Variants in AAK1 observed in about 807,000 individuals in gnomAD.
AAK1 encodes the protein AP2 associated kinase 1.
In AAK1, 37 loss-of-function variants were observed where a neutral mutation model predicts 116.0. The ratio of observed to expected loss-of-function variants is 0.32; its 90% confidence interval spans 0.25 to 0.42. AAK1 has a LOEUF of 0.42. Among genes scored for constraint, AAK1 ranks in the 10% least tolerant of loss-of-function variants. The pLI, the probability that AAK1 is intolerant of heterozygous loss-of-function variation, is 1.00. For missense variants in AAK1, 919 were observed against 1,170.6 expected (o/e 0.79, Z 3.14); for synonymous variants, 458 against 439.9 (o/e 1.04, Z -0.51).
intron 2 of AAK1, among the ~76,000 whole-genome samples, chr2:69,562,877 G>A (rs950794735): frequency 3.3e-5 from 5 of 152,114 alleles, no homozygotes; most frequent in Admixed American, 6.5e-5. Context: ...GCGACAGAGC[G>A]AGACTCCATC....
chr2:69,537,686 G>A (rs1403272980), intron 5 of AAK1, among the ~76,000 whole-genome samples: 4 of 152,232 alleles, frequency 2.6e-5, no homozygotes, highest in African/African-American at 7.2e-5. Context: ...GAGACTATGT[G>A]ATGCAACGAC....
intron 8 of AAK1, 122 bp from the exon 9 acceptor site, chr2:69,527,441 A>T: frequency 3.0e-6 from 2 of 674,148 alleles, no homozygotes; most frequent in Non-Finnish European, 5.2e-6. Flanking sequence ...CATAGAAGTC[A>T]GACAGTATAA....
intron 17 of AAK1, among the ~76,000 whole-genome samples, chr2:69,487,976 A>C (rs1675367866): frequency 6.6e-6 from 1 of 151,938 alleles, no homozygotes; most frequent in Admixed American, 6.6e-5. Context: ...TTTTTATTAG[A>C]AATGGGGTTT....
chr2:69,478,789 G>A, intron 20 of AAK1, 162 bp downstream of exon 20: 1 of 595,982 alleles, frequency 1.7e-6, no homozygotes, highest in Non-Finnish European at 3.0e-6. Context: ...CTCACTGAGA[G>A]GTATTATAAC....
chr2:69,621,273 C>T (rs1038949649), intron 2 of AAK1, among the ~76,000 whole-genome samples: 5 of 152,128 alleles, frequency 3.3e-5, no homozygotes, highest in South Asian at 2.1e-4. Flanking sequence ...GTCGGGAGTT[C>T]GAGACCAGCT....
At chr2:69,611,575 A>C (rs1296045385) in intron 2 of AAK1, among the ~76,000 whole-genome samples, 1 of 152,178 alleles carries the variant, frequency 6.6e-6, no homozygotes, top group Non-Finnish European at 1.5e-5. Flanking sequence ...TTATGAGCCA[A>C]TTCTCCCTAA....
intron 3 of AAK1, among the ~76,000 whole-genome samples, chr2:69,554,181 C>G (rs1344665377): frequency 6.6e-6 from 1 of 151,970 alleles, no homozygotes; most frequent in Non-Finnish European, 1.5e-5. Flanking sequence ...AGGAAATGTC[C>G]AGGAAATTCC....
At chr2:69,542,370 CCTTT>C (rs1364610910) in intron 5 of AAK1, among the ~76,000 whole-genome samples, 149 bp downstream of exon 5, 1 of 152,086 alleles carries the variant, frequency 6.6e-6, no homozygotes, top group Non-Finnish European at 1.5e-5. Flanking sequence ...TGTACTTTTT[CCTTT>C]GTTATTTTCT....
rs1297855376 is a variant in AAK1 at position 69,475,311 on chromosome 2, C to A, written c.*558G>T. 2.0e-6 allele frequency: 2 copies of A among 985,916 alleles called. No homozygotes were observed. The highest frequency in any genetic ancestry group is 2.4e-6 in the Non-Finnish European group (2 of 830,236). The allele number at this position is 985,916 out of a possible 1,614,324, so 61.1% of individuals were successfully genotyped here. On this transcript the variant is annotated 3_prime_UTR_variant, in exon 22 of 22. Transcript: ENST00000409085. ...AATTTCTCTTCTCAAATATATACTACCAGTCAGTAAGTTTTACCCTTTCTT... is the reference window on the plus strand; with the variant it reads ...AATTTCTCTTCTCAAATATATACTAACAGTCAGTAAGTTTTACCCTTTCTT...
intron 3 of AAK1, among the ~76,000 whole-genome samples, chr2:69,548,505 TTC>T (rs922211043): frequency 4.0e-5 from 6 of 151,788 alleles, no homozygotes; most frequent in South Asian, 4.2e-4. Flanking sequence ...TCTCCTTCCT[TTC>T]TCTCTTTCTT....
chr2:69,549,285 C>T (rs1324171687), intron 3 of AAK1, among the ~76,000 whole-genome samples: 1 of 152,176 alleles, frequency 6.6e-6, no homozygotes, highest in African/African-American at 2.4e-5. Flanking sequence ...AGGAGAATTG[C>T]TTGAACCCAG....
chr2:69,503,208 ATAT>A (rs1676044262), intron 16 of AAK1, among the ~76,000 whole-genome samples: 1 of 152,242 alleles, frequency 6.6e-6, no homozygotes, highest in Non-Finnish European at 1.5e-5. Flanking sequence ...TACATATCAA[ATAT>A]TATTAAATGA....
At chr2:69,506,036 T>A (rs923623219) in intron 15 of AAK1, among the ~76,000 whole-genome samples, 2 of 152,170 alleles carry the variant, frequency 1.3e-5, no homozygotes, top group African/African-American at 4.8e-5. Context: ...ATGAGTTTGA[T>A]GATCTGCTTT....
At chr2:69,587,249 T>TTATATATATATACACATGTG (rs1553418700) in intron 2 of AAK1, among the ~76,000 whole-genome samples, 38 of 151,038 alleles carry the variant, frequency 2.5e-4, no homozygotes, top group African/African-American at 9.2e-4. Context: ...CATGCTCAGC[T>TTATATATATATACACATGTG]TATATATATA....
intron 17 of AAK1, among the ~76,000 whole-genome samples, chr2:69,494,172 G>A (rs1675650130): frequency 6.6e-6 from 1 of 152,116 alleles, no homozygotes; most frequent in Non-Finnish European, 1.5e-5. Flanking sequence ...AAACCCAAGA[G>A]AGGTCTTGGC....
At chr2:69,533,278 T>G (rs1293280470) in intron 5 of AAK1, among the ~76,000 whole-genome samples, 1 of 152,094 alleles carries the variant, frequency 6.6e-6, no homozygotes, top group African/African-American at 2.4e-5. Flanking sequence ...GTATAAAAAA[T>G]GTATGTTGAA....
chr2:69,641,482 T>A (rs899656481), intron 2 of AAK1, among the ~76,000 whole-genome samples: 2 of 152,224 alleles, frequency 1.3e-5, no homozygotes, highest in Non-Finnish European at 2.9e-5. Flanking sequence ...TGGCCCCAGA[T>A]AAAGCGCAGC....
At chr2:69,561,355 A>G (rs910365879) in intron 2 of AAK1, among the ~76,000 whole-genome samples, 1 of 152,190 alleles carries the variant, frequency 6.6e-6, no homozygotes, top group Non-Finnish European at 1.5e-5. Context: ...TTCCCTCAAG[A>G]TGAGTTTACA....
Position 69,530,640 on chromosome 2 carries a change from C to T in AAK1, c.723G>A (p.Thr241=), listed in dbSNP as rs756344245. 18 of 1,613,380 alleles carry T rather than the reference C, an allele frequency of 1.1e-5. No homozygotes were observed. Among genetic ancestry groups the T allele is most frequent in the East Asian group, 6.7e-5 (3 of 44,882 alleles). ...TGACACCTACCCAAATGTCTGCCTTCGTAGTGATGATTTTGCCACTGTACA... is the reference window on the plus strand; with the variant it reads ...TGACACCTACCCAAATGTCTGCCTTTGTAGTGATGATTTTGCCACTGTACA... ...VNLYSGKIIT[T]KADIWALGCL... The change falls in exon 7 of 22, where the codon ACG becomes ACA. Residue 241 remains threonine (T), a synonymous_variant. Coordinates refer to ENST00000409085, the MANE Select transcript of AAK1 (RefSeq NM_014911.5).
Sources: gnomAD v4.1 joint callset for allele counts (sites outside exome capture counted in the v4.1 genomes callset) on GRCh38, gnomAD v4.1.1 for gene constraint, MANE v1.5 for transcripts, NCBI Gene and HGNC (gene_info 2026-07-23, HGNC 2026-07-21) for gene names.